Variants in INSL6 observed in about 807,000 individuals in gnomAD.
INSL6 encodes insulin like 6, also known as insulin-like peptide INSL6.
In INSL6, 16 loss-of-function variants were observed where a neutral mutation model predicts 9.4. The ratio of observed to expected loss-of-function variants is 1.70; its 90% CI spans 1.15 to 2.59. The LOEUF (loss-of-function observed/expected upper bound fraction) is 2.59, where lower values mean the gene tolerates loss of function less well. Among genes scored for constraint, INSL6 ranks in the 30% most tolerant of loss-of-function variants. INSL6 has a pLI of 0.00. For missense variants in INSL6, 391 were observed against 257.3 expected (o/e 1.52, Z -3.56); for synonymous variants, 154 against 96.9 (o/e 1.59, Z -3.46).
At chr9:5,164,336 C>T in intron 1 of INSL6, 71 bp from the exon 2 acceptor site, 1 of 909,576 alleles carries the variant, frequency 1.1e-6, no homozygotes, top group Non-Finnish European at 1.7e-6. Context: ...AATATTGGAA[C>T]AGTAAAATCA....
At chr9:5,114,548 C>A in the INSL6 span, 26 of 480,246 alleles carry the variant, frequency 5.4e-5, no homozygotes, top group African/African-American at 3.9e-4. Context: ...ACAAGCGCAC[C>A]CTCACCTGCC....
the INSL6 span, chr9:5,080,091 A>T: frequency 8.3e-6 from 5 of 603,876 alleles, no homozygotes; most frequent in Admixed American, 2.9e-5. Flanking sequence ...AGTCATGTGC[A>T]TGTGCACATC....
the INSL6 span, among the ~76,000 whole-genome samples, chr9:5,011,585 G>C: frequency 6.6e-6 from 1 of 152,098 alleles, no homozygotes; most frequent in Non-Finnish European, 1.5e-5. Flanking sequence ...ATGTATCATA[G>C]TAAACAAAGT....
the INSL6 span, among the ~76,000 whole-genome samples, chr9:4,992,862 TC>T: frequency 6.6e-6 from 1 of 152,210 alleles, no homozygotes; most frequent in Non-Finnish European, 1.5e-5. Flanking sequence ...TGTTGCCAGT[TC>T]CTTGATTAGG....
intron 1 of INSL6, among the ~76,000 whole-genome samples, chr9:5,169,085 C>T (rs889564711): frequency 6.6e-6 from 1 of 152,136 alleles, no homozygotes; most frequent in Non-Finnish European, 1.5e-5. Context: ...CGCCACCATG[C>T]CCGGCTAATT....
intron 2 of INSL6, among the ~76,000 whole-genome samples, chr9:5,157,720 C>G (rs1195654210): frequency 6.6e-6 from 1 of 152,110 alleles, no homozygotes; most frequent in Non-Finnish European, 1.5e-5. Flanking sequence ...CTTCCCAAGA[C>G]GGACTGGTAC....
At chr9:5,075,643 C>A in the INSL6 span, among the ~76,000 whole-genome samples, 5 of 152,290 alleles carry the variant, frequency 3.3e-5, no homozygotes, top group East Asian at 9.6e-4. Context: ...TATTACTGAT[C>A]ATTGACAATG....
chr9:5,147,805 G>C (rs1824630496), intron 2 of INSL6, among the ~76,000 whole-genome samples: 1 of 152,182 alleles, frequency 6.6e-6, no homozygotes, highest in Non-Finnish European at 1.5e-5. Context: ...TGAGCTCTGA[G>C]ATTCTTTCCT....
At chr9:5,022,143 A>G in the INSL6 span, 6 of 1,614,228 alleles carry the variant, frequency 3.7e-6, no homozygotes, top group South Asian at 1.1e-5. Flanking sequence ...AATCTGAGGC[A>G]GATTATCTGA....
intron 3 of INSL6, among the ~76,000 whole-genome samples, chr9:5,130,933 G>A (rs755341498): frequency 2.6e-5 from 4 of 151,126 alleles, no homozygotes; most frequent in East Asian, 1.9e-4. Flanking sequence ...GTTTCACTGT[G>A]TTAGCCAGGA....
the INSL6 span, chr9:5,050,569 C>A: frequency 1.9e-6 from 2 of 1,075,518 alleles, no homozygotes; most frequent in East Asian, 2.6e-5. Context: ...CTGAGCCTGG[C>A]CAATTTGTAT....
the INSL6 span, among the ~76,000 whole-genome samples, chr9:5,071,797 A>G: frequency 9.2e-5 from 14 of 152,318 alleles, no homozygotes; most frequent in East Asian, 2.7e-3. Context: ...TAACTTGACT[A>G]ACATTACAAA....
At chr9:5,026,164 T>A in the INSL6 span, among the ~76,000 whole-genome samples, 2 of 152,200 alleles carry the variant, frequency 1.3e-5, no homozygotes, top group Admixed American at 1.3e-4. Flanking sequence ...GATACTTAGA[T>A]CATTTGCTCT....
At chr9:5,140,847 C>T (rs1824482441) in intron 2 of INSL6, among the ~76,000 whole-genome samples, 1 of 151,684 alleles carries the variant, frequency 6.6e-6, no homozygotes, top group African/African-American at 2.4e-5. Flanking sequence ...TTTTTCTGGT[C>T]TTCTCCCTCA....
chr9:5,037,819 C>T, the INSL6 span, among the ~76,000 whole-genome samples: 1 of 152,086 alleles, frequency 6.6e-6, no homozygotes, highest in African/African-American at 2.4e-5. Context: ...AACTAACCTG[C>T]ATGTTGTGCA....
the INSL6 span, among the ~76,000 whole-genome samples, chr9:5,046,792 G>T: frequency 7.8e-6 from 1 of 128,264 alleles, no homozygotes; most frequent in African/African-American, 4.9e-5. Flanking sequence ...ATAGCCTTTT[G>T]AAAACAGGAT....
chr9:5,118,047 A>G, the INSL6 span, among the ~76,000 whole-genome samples: 1 of 152,212 alleles, frequency 6.6e-6, no homozygotes, highest in Non-Finnish European at 1.5e-5. Flanking sequence ...TGACATTTAA[A>G]TAACAGCTAT....
chr9:5,111,784 CT>C, the INSL6 span: 1 of 422,508 alleles, frequency 2.4e-6, no homozygotes. Context: ...CTGCATCCAC[CT>C]TCTCCTTGGC....
chr9:5,122,042 C>T (rs1161923721), downstream of INSL6, among the ~76,000 whole-genome samples: 2 of 152,040 alleles, frequency 1.3e-5, no homozygotes, highest in African/African-American at 4.8e-5. Flanking sequence ...TGTTTAATTA[C>T]GTAGTATGGA....
Sources: gnomAD v4.1 joint callset for allele counts (sites outside exome capture counted in the v4.1 genomes callset) on GRCh38, gnomAD v4.1.1 for gene constraint, MANE v1.5 for transcripts, NCBI Gene and HGNC (gene_info 2026-07-23, HGNC 2026-07-21) for gene names.